Variants in PPP1R16B observed in about 807,000 individuals in gnomAD.
PPP1R16B encodes the protein protein phosphatase 1 regulatory inhibitor subunit 16B.
Under a neutral mutation model 61.7 loss-of-function variants are expected in PPP1R16B, and 14 were observed. That is an observed-to-expected ratio of 0.23 (90% CI 0.15 to 0.35). PPP1R16B has a LOEUF of 0.35. Among genes scored for constraint, PPP1R16B ranks in the 10% least tolerant of loss-of-function variants. The pLI is 1.00. For synonymous variants in PPP1R16B, 266 were observed against 305.3 expected (o/e 0.87, Z 1.34); for missense variants, 547 against 752.5 (o/e 0.73, Z 3.19).
At chr20:38,817,310 C>T (rs1169241010) in intron 1 of PPP1R16B, among the ~76,000 whole-genome samples, 1 of 152,166 alleles carries the variant, frequency 6.6e-6, no homozygotes, top group African/African-American at 2.4e-5. Flanking sequence ...CAGCTATAAT[C>T]CCAGCACTTT....
At chr20:38,811,529 C>T (rs2084700629) in intron 1 of PPP1R16B, among the ~76,000 whole-genome samples, 1 of 152,194 alleles carries the variant, frequency 6.6e-6, no homozygotes, top group Non-Finnish European at 1.5e-5. Flanking sequence ...GCTTGGCTTC[C>T]AAGCTGTAGA....
rs909312109 is a variant in PPP1R16B, at chr20:38,922,772, T to C, written c.*4106T>C. The C allele has an allele frequency of 6.6e-6, 1 of 152,658 alleles. No individual in the cohort carries two copies. The highest frequency in any genetic ancestry group is 1.5e-5 in the Non-Finnish European group (1 of 68,046). The allele number at this position is 152,658 out of a possible 1,614,324, so 9.5% of individuals were successfully genotyped here. ...CTGTATCAGCAGCTTTGTGTAAAAATGGCAATCAAGAGAGTCTAATATATT... is the reference window on the plus strand; with the variant it reads ...CTGTATCAGCAGCTTTGTGTAAAAACGGCAATCAAGAGAGTCTAATATATT... On this transcript the variant is annotated 3_prime_UTR_variant, in exon 11 of 11. Transcript: ENST00000299824.
intron 1 of PPP1R16B, among the ~76,000 whole-genome samples, chr20:38,826,715 A>G (rs952395330): frequency 6.6e-6 from 1 of 152,182 alleles, no homozygotes; most frequent in East Asian, 1.9e-4. Context: ...CTTAGTCCCA[A>G]TACGATGCCA....
chr20:38,894,433 T>C (rs528808124), intron 3 of PPP1R16B, among the ~76,000 whole-genome samples: 54 of 152,260 alleles, frequency 3.5e-4, no homozygotes, highest in African/African-American at 1.3e-3. Flanking sequence ...AGCTCCTCAC[T>C]GTCCCCTCCC....
chr20:38,910,006 G>A (rs564130351), intron 10 of PPP1R16B, among the ~76,000 whole-genome samples: 4 of 151,998 alleles, frequency 2.6e-5, no homozygotes, highest in African/African-American at 7.3e-5. Context: ...ATGATATGGA[G>A]CCTCGCTCTG....
intron 1 of PPP1R16B, among the ~76,000 whole-genome samples, chr20:38,826,752 A>G (rs2084807764): frequency 6.6e-6 from 1 of 152,190 alleles, no homozygotes; most frequent in South Asian, 2.1e-4. Context: ...ATTGGGGCTC[A>G]TGGGCCTTCA....
At chr20:38,843,187 T>C (rs1279950577) in intron 2 of PPP1R16B, among the ~76,000 whole-genome samples, 3 of 152,284 alleles carry the variant, frequency 2.0e-5, no homozygotes, top group Non-Finnish European at 4.4e-5. Context: ...AACGGAGGCA[T>C]TAAATATTTA....
chr20:38,896,545 T>C (rs985377007), intron 4 of PPP1R16B, among the ~76,000 whole-genome samples: 66 of 152,102 alleles, frequency 4.3e-4, no homozygotes, highest in African/African-American at 1.5e-3. Context: ...TATTTTCCAG[T>C]CTCTTTTTAT....
chr20:38,883,638 G>A (rs1359736893), intron 2 of PPP1R16B, among the ~76,000 whole-genome samples: 1 of 152,218 alleles, frequency 6.6e-6, no homozygotes, highest in African/African-American at 2.4e-5. Flanking sequence ...ACAGTGGTCT[G>A]TGAACCAGCA....
chr20:38,904,658 GA>G (rs942948791), intron 6 of PPP1R16B, among the ~76,000 whole-genome samples: 106 of 143,174 alleles, frequency 7.4e-4, no homozygotes, highest in Middle Eastern at 3.5e-3. Context: ...TTTCAAGTTG[GA>G]AAAAAAAAAA....
At chr20:38,808,622 CT>C (rs2084677886) in intron 1 of PPP1R16B, among the ~76,000 whole-genome samples, 1 of 149,780 alleles carries the variant, frequency 6.7e-6, no homozygotes, top group Admixed American at 6.7e-5. Context: ...CTCTGTGACC[CT>C]GTATACATGA....
intron 2 of PPP1R16B, among the ~76,000 whole-genome samples, chr20:38,879,892 G>A (rs2145751776): frequency 6.6e-6 from 1 of 152,334 alleles, no homozygotes; most frequent in African/African-American, 2.4e-5. Context: ...TGTCAGAGAT[G>A]CTAGGAGAGG....
At chr20:38,820,468 G>A (rs2084766023) in intron 1 of PPP1R16B, among the ~76,000 whole-genome samples, 1 of 151,992 alleles carries the variant, frequency 6.6e-6, no homozygotes, top group Admixed American at 6.6e-5. Context: ...TGAGGCAGGA[G>A]AATTGCTTGA....
intron 2 of PPP1R16B, among the ~76,000 whole-genome samples, chr20:38,852,892 G>A (rs1397819994): frequency 2.6e-5 from 4 of 151,252 alleles, no homozygotes; most frequent in African/African-American, 4.9e-5. Context: ...TCCTGTCTCC[G>A]TCTCCTGAGT....
chr20:38,912,990 C>A (rs1252794307), intron 10 of PPP1R16B, among the ~76,000 whole-genome samples: 12 of 152,150 alleles, frequency 7.9e-5, no homozygotes, highest in Admixed American at 7.9e-4. Flanking sequence ...CCACCTCAGC[C>A]TCCTGATTAG....
intron 2 of PPP1R16B, among the ~76,000 whole-genome samples, chr20:38,861,770 G>A (rs930236920): frequency 4.7e-5 from 7 of 149,570 alleles, no homozygotes; most frequent in African/African-American, 1.5e-4. Flanking sequence ...TCTGCCTCCC[G>A]GGTTCAAGCG....
intron 2 of PPP1R16B, among the ~76,000 whole-genome samples, chr20:38,864,873 C>A (rs1251862903): frequency 6.6e-6 from 1 of 152,184 alleles, no homozygotes; most frequent in Non-Finnish European, 1.5e-5. Context: ...GTGCCTGGCC[C>A]CTCCTGGAGC....
rs150928935 is a variant in PPP1R16B at position 38,895,781 on chromosome 20, T to C, written c.467+71T>C. ...TCTTTTTCCAACTTCCTTCTTTCTCTCCTCCCTCCCTCCTTCCTTCTTTCT... is the reference window on the plus strand; with the variant it reads ...TCTTTTTCCAACTTCCTTCTTTCTCCCCTCCCTCCCTCCTTCCTTCTTTCT... On this transcript the variant is annotated intron_variant, in intron 4 of 10. Transcript: ENST00000299824. 1,195 of 1,206,098 alleles carry C rather than the reference T, an allele frequency of 9.9e-4. 13 individuals are homozygous for C. The African/African-American group carries it at 0.02, about 20-fold the overall frequency. The allele number at this position is 1,206,098 out of a possible 1,614,324, so 74.7% of individuals were successfully genotyped here.
intron 2 of PPP1R16B, among the ~76,000 whole-genome samples, chr20:38,868,096 C>T (rs181706131): frequency 3.9e-5 from 6 of 152,332 alleles, no homozygotes; most frequent in Admixed American, 3.9e-4. Flanking sequence ...CTGCTCCTCC[C>T]CTGGGCTGTT....
Sources: allele counts gnomAD v4.1 joint callset (sites outside exome capture counted in the v4.1 genomes callset), GRCh38; gene constraint gnomAD v4.1.1; transcripts MANE v1.5; gene names NCBI Gene and HGNC (gene_info 2026-07-23, HGNC 2026-07-21).